The following RNF115 variants were observed in gnomAD, a reference collection of about 807,000 sequenced individuals.
The protein encoded by RNF115 is E3 ubiquitin-protein ligase RNF115.
Under a neutral mutation model 39.2 loss-of-function variants are expected in RNF115, and 31 were observed. The observed-to-expected ratio is 0.79, with a 90% confidence interval of 0.59 to 1.07. The LOEUF (loss-of-function observed/expected upper bound fraction) is 1.07, where lower values mean the gene tolerates loss of function less well. Among genes scored for constraint, RNF115 ranks in the 50% least tolerant of loss-of-function variants. The pLI is 0.00. For synonymous variants in RNF115, 124 were observed against 131.0 expected (o/e 0.95, Z 0.37); for missense variants, 384 against 381.7 (o/e 1.01, Z -0.05).
chr1:145,774,642 C>T (rs587663411), intron 3 of RNF115, among the ~76,000 whole-genome samples: 28 of 152,218 alleles, frequency 1.8e-4, no homozygotes, highest in South Asian at 1.7e-3. Flanking sequence ...TGAGCCATGG[C>T]GCCCAGCCAC....
At chr1:145,762,473 G>GT (rs5777578) in intron 4 of RNF115, among the ~76,000 whole-genome samples, 5,592 of 152,092 alleles carry the variant, frequency 0.037, 344 homozygotes, top group African/African-American at 0.13. Context: ...CCAATCAAAT[G>GT]TATCTTGAAA....
At chr1:145,789,797 C>G (rs1358343586) in intron 1 of RNF115, among the ~76,000 whole-genome samples, 17 of 149,172 alleles carry the variant, frequency 1.1e-4, no homozygotes, top group African/African-American at 4.0e-4. Flanking sequence ...GCAACCTCCA[C>G]CTCCTGGGTT....
chr1:145,781,960 T>C (rs1553717482), intron 3 of RNF115, among the ~76,000 whole-genome samples: 1 of 150,582 alleles, frequency 6.6e-6, no homozygotes, highest in African/African-American at 2.5e-5. Context: ...TGGAGTCCAG[T>C]GGTGCAATCT....
At chr1:145,793,001 G>A (rs587703386) in intron 1 of RNF115, among the ~76,000 whole-genome samples, 1 of 152,246 alleles carries the variant, frequency 6.6e-6, no homozygotes, top group South Asian at 2.1e-4. Context: ...CCAGAAAGCT[G>A]CAACTCCATC....
intron 4 of RNF115, among the ~76,000 whole-genome samples, chr1:145,763,508 G>A (rs1444300051): frequency 6.6e-6 from 1 of 152,190 alleles, no homozygotes; most frequent in Non-Finnish European, 1.5e-5. Flanking sequence ...GACCAGCCTG[G>A]CCAACATGGC....
At chr1:145,788,750 CCT>C (rs1358241903) in intron 2 of RNF115, 156 bp downstream of exon 2, 3 of 714,298 alleles carry the variant, frequency 4.2e-6, no homozygotes, top group South Asian at 1.5e-5. Context: ...ATTCTTCTGC[CCT>C]CTCTTGTGCA....
At chr1:145,759,415 G>A (rs190765508) in intron 4 of RNF115, among the ~76,000 whole-genome samples, 231 of 152,198 alleles carry the variant, frequency 1.5e-3, no homozygotes, top group Non-Finnish European at 2.6e-3. Flanking sequence ...CCATGTCAGT[G>A]GATGGTGGCT....
Position 145,768,999 on chromosome 1 carries a change from C to T in RNF115, c.428+2712G>A, listed in dbSNP as rs587694899. Among the ~76,000 whole-genome samples the T allele has an allele frequency of 5.9e-5, 9 of 152,060 alleles. No homozygotes were observed. The East Asian group carries it at 1.7e-3, about 29-fold the overall frequency. On this transcript the variant is annotated intron_variant, in intron 4 of 8. Transcript: ENST00000582693. ...AGTTCTATTTACTGATATACTGGTG[C>T]CTTGGAAGGAAAGTTTCTGAGAAAA...
intron 3 of RNF115, among the ~76,000 whole-genome samples, chr1:145,780,773 C>A (rs1472498139): frequency 2.0e-5 from 3 of 151,950 alleles, no homozygotes; most frequent in Non-Finnish European, 4.4e-5. Context: ...CTTGTGCATA[C>A]CTGAGAGCTC....
intron 1 of RNF115, among the ~76,000 whole-genome samples, chr1:145,818,800 C>T (rs2101615075): frequency 6.6e-6 from 1 of 152,176 alleles, no homozygotes; most frequent in East Asian, 1.9e-4. Context: ...CAGTGCTGAA[C>T]TGAATGAAAT....
intron 2 of RNF115, 95 bp from the exon 3 acceptor site, chr1:145,784,691 A>C: frequency 1.0e-6 from 1 of 995,942 alleles, no homozygotes; most frequent in Non-Finnish European, 1.6e-6. Context: ...AACAAAGCCC[A>C]ATAAGGAAAA....
At chr1:145,766,660 G>C (rs1647296670) in intron 4 of RNF115, among the ~76,000 whole-genome samples, 1 of 148,920 alleles carries the variant, frequency 6.7e-6, no homozygotes, top group African/African-American at 2.5e-5. Context: ...GGGGCGGCTG[G>C]CCGGGCGGGG....
chr1:145,814,412 G>A (rs1419641191), intron 1 of RNF115, among the ~76,000 whole-genome samples: 7 of 151,944 alleles, frequency 4.6e-5, no homozygotes, highest in African/African-American at 1.2e-4. Context: ...TGAAACCCTC[G>A]TCTCTACTAA....
intron 4 of RNF115, among the ~76,000 whole-genome samples, chr1:145,767,417 C>T (rs1266543706): frequency 1.3e-5 from 2 of 150,824 alleles, no homozygotes; most frequent in Middle Eastern, 3.4e-3. Flanking sequence ...AGATGATGGG[C>T]GGCCGGGCAG....
chr1:145,750,592 C>T, intron 6 of RNF115, 92 bp from the exon 7 acceptor site: 2 of 925,736 alleles, frequency 2.2e-6, no homozygotes. Flanking sequence ...ACAGTGCAGA[C>T]ATTAGGTATG....
chr1:145,798,484 C>G (rs1184867472), intron 1 of RNF115, among the ~76,000 whole-genome samples: 3 of 152,136 alleles, frequency 2.0e-5, no homozygotes. Flanking sequence ...ACCACATATG[C>G]AAGGGTTTAT....
chr1:145,759,132 A>G (rs11591191), intron 4 of RNF115, among the ~76,000 whole-genome samples: 43,214 of 151,976 alleles, frequency 0.28, 7,173 homozygotes, highest in Non-Finnish European at 0.37. Context: ...TCCTTTGCTT[A>G]TTCTTCCTTA....
At chr1:145,782,578 T>C (rs587667222) in intron 3 of RNF115, among the ~76,000 whole-genome samples, 1 of 152,354 alleles carries the variant, frequency 6.6e-6, no homozygotes, top group South Asian at 2.1e-4. Context: ...ACTCATGCCA[T>C]CAGTGTTGGA....
Position 145,771,707 on chromosome 1 carries a change from T to A in RNF115, c.428+4A>T. 1 of 1,611,356 alleles carries A rather than the reference T, an allele frequency of 6.2e-7. No homozygotes were observed. Among genetic ancestry groups the A allele is most frequent in the South Asian group, 1.1e-5 (1 of 90,690 alleles). On this transcript the variant is annotated splice_donor_region_variant and intron_variant, in intron 4 of 8. Transcript: ENST00000582693. ...TAAAAAGAACTTAAAATAAAACAAC[T>A]CACCCTTCAATAGCTGGAGATCTGT... is the stretch of plus-strand genomic sequence containing the variant.
Sources: allele counts gnomAD v4.1 joint callset (sites outside exome capture counted in the v4.1 genomes callset), GRCh38; gene constraint gnomAD v4.1.1; transcripts MANE v1.5; gene names NCBI Gene and HGNC (gene_info 2026-07-23, HGNC 2026-07-21).